The following MYO10 variants were observed in gnomAD, a reference collection of about 807,000 sequenced individuals.
MYO10 encodes the protein myosin X.
MYO10 carries 133 observed loss-of-function variants against 257.3 expected under a neutral mutation model. The observed-to-expected ratio is 0.52, with a 90% confidence interval of 0.45 to 0.60. The LOEUF is 0.60. Among genes scored for constraint, MYO10 ranks in the 20% least tolerant of loss-of-function variants. The pLI, the probability that MYO10 is intolerant of heterozygous loss-of-function variation, is 0.00. For missense variants in MYO10, 2,399 were observed against 2,635.7 expected (o/e 0.91, Z 1.97); for synonymous variants, 1,104 against 1,028.6 (o/e 1.07, Z -1.40).
In MYO10 at chr5:16,935,857, A is replaced by T; in HGVS notation, c.-49T>A. The T allele has an allele frequency of 6.2e-7, 1 of 1,608,138 alleles. No individual in the cohort carries two copies. Among genetic ancestry groups the T allele is most frequent in the Non-Finnish European group, 8.5e-7 (1 of 1,177,744 alleles). Reference sequence around the variant, plus strand: ...GCCGAGTGCCGCTCCGACTCGCGGAAGTCAGCGCCGCCGCGGGTCCGGGGA... The same window carrying T: ...GCCGAGTGCCGCTCCGACTCGCGGATGTCAGCGCCGCCGCGGGTCCGGGGA... On this transcript the variant is annotated 5_prime_UTR_variant, in exon 1 of 41. Coordinates refer to ENST00000513610, the MANE Select transcript of MYO10 (RefSeq NM_012334.3).
intron 32 of MYO10, among the ~76,000 whole-genome samples, chr5:16,680,352 A>G (rs373115): frequency 6.6e-6 from 1 of 152,170 alleles, no homozygotes; most frequent in Non-Finnish European, 1.5e-5. Context: ...CCCATCATTA[A>G]ATATATAAAG....
intron 33 of MYO10, among the ~76,000 whole-genome samples, chr5:16,677,018 C>A (rs112521263): frequency 1.1e-3 from 162 of 152,204 alleles, no homozygotes; most frequent in African/African-American, 3.8e-3. Flanking sequence ...TTAATATATT[C>A]TTGGGGAGAC....
rs770349476 is a variant in MYO10 at position 16,674,839 on chromosome 5, C to A, written c.4964+14G>T. Reference sequence around the variant, plus strand: ...AGCTCTGCCCAGCTCATCTCCCGTGCCCCCATGCTTTACCTTTTCAGATGG... The same window carrying A: ...AGCTCTGCCCAGCTCATCTCCCGTGACCCCATGCTTTACCTTTTCAGATGG... On this transcript the variant is annotated intron_variant, in intron 35 of 40. Transcript: ENST00000513610. 8.7e-6 allele frequency: 14 copies of A among 1,613,260 alleles called. No individual in the cohort carries two copies. Among genetic ancestry groups the A allele is most frequent in the Admixed American group, 1.7e-5 (1 of 59,980 alleles).
At chr5:16,889,622 G>T (rs1382707454) in intron 1 of MYO10, among the ~76,000 whole-genome samples, 1 of 151,786 alleles carries the variant, frequency 6.6e-6, no homozygotes, top group African/African-American at 2.4e-5. Context: ...GGAGCTAGGA[G>T]ACACAGATTT....
intron 1 of MYO10, among the ~76,000 whole-genome samples, chr5:16,903,564 A>C (rs993658922): frequency 6.6e-6 from 1 of 152,178 alleles, no homozygotes; most frequent in African/African-American, 2.4e-5. Flanking sequence ...GGCTTTCATA[A>C]GCCACTTTCC....
chr5:16,895,236 A>G lies in MYO10; in HGVS notation c.22-17529T>C, dbSNP rs548662703. Among the ~76,000 whole-genome samples the G allele has an allele frequency of 5.3e-5, 8 of 152,226 alleles. No individual in the cohort carries two copies. The East Asian group carries it at 1.3e-3, about 26-fold the overall frequency. On this transcript the variant is annotated intron_variant, in intron 1 of 40. Transcript: ENST00000513610. ...AGGCCTTCAGTCACTCAAAATTTGG[A>G]AATTCCCAAGATCTCCCTCAGGGGA...
chr5:16,856,595 A>C (rs1235927035), intron 2 of MYO10, among the ~76,000 whole-genome samples: 2 of 152,058 alleles, frequency 1.3e-5, no homozygotes, highest in Admixed American at 1.3e-4. Context: ...GAGTATTTTA[A>C]AGGTATCAAT....
intron 19 of MYO10, chr5:16,738,021 C>A (rs930375469): frequency 1.3e-6 from 1 of 799,642 alleles, no homozygotes; most frequent in Non-Finnish European, 1.5e-6. Context: ...TAGCACGGAA[C>A]TAGAAAATCT....
At chr5:16,768,958 G>A (rs1258702405) in intron 10 of MYO10, 116 bp downstream of exon 10, 1 of 1,306,210 alleles carries the variant, frequency 7.7e-7, no homozygotes, top group African/African-American at 1.5e-5. Flanking sequence ...TTACAGGCAA[G>A]AGCCACCGCA....
intron 21 of MYO10, among the ~76,000 whole-genome samples, chr5:16,705,720 T>A (rs1738298505): frequency 6.6e-6 from 1 of 152,134 alleles, no homozygotes; most frequent in Non-Finnish European, 1.5e-5. Context: ...CTCTGTGTCC[T>A]CCATGACATT....
At chr5:16,852,247 AAAAC>A (rs1427906015) in intron 2 of MYO10, among the ~76,000 whole-genome samples, 3 of 151,664 alleles carry the variant, frequency 2.0e-5, no homozygotes, top group African/African-American at 7.2e-5. Flanking sequence ...AAAAAAAAAA[AAAAC>A]AGGCACAAAG....
chr5:16,819,856 A>G (rs1398358550), intron 2 of MYO10, among the ~76,000 whole-genome samples: 1 of 152,252 alleles, frequency 6.6e-6, no homozygotes, highest in Non-Finnish European at 1.5e-5. Context: ...CTTCAGCAGT[A>G]GCATTTCTGC....
At chr5:16,731,193 C>T (rs562310926) in intron 19 of MYO10, among the ~76,000 whole-genome samples, 6 of 151,600 alleles carry the variant, frequency 4.0e-5, no homozygotes, top group African/African-American at 1.5e-4. Flanking sequence ...TACAGGTGCC[C>T]GCCACCATAC....
chr5:16,663,127 GA>G lies in MYO10; in HGVS notation c.*3564del, dbSNP rs901183051. 8 of 151,986 alleles carry G rather than the reference GA, an allele frequency of 5.3e-5. No homozygotes were observed. 9.4% of individuals were successfully genotyped at this position (151,986 alleles called of 1,614,324 possible). On this transcript the variant is annotated 3_prime_UTR_variant, in exon 41 of 41. Coordinates refer to ENST00000513610, the MANE Select transcript of MYO10 (RefSeq NM_012334.3). ...GATTAGAGCTAAAATACTATGCTGA[GA>G]AAAAAGTAAGCTACAACAGTTTGTT...
chr5:16,849,332 G>C (rs962149461), intron 2 of MYO10, among the ~76,000 whole-genome samples: 1 of 152,106 alleles, frequency 6.6e-6, no homozygotes, highest in African/African-American at 2.4e-5. Flanking sequence ...CTGGCTTCTA[G>C]GCATACTCTT....
At chr5:16,852,121 G>A (rs185526369) in intron 2 of MYO10, among the ~76,000 whole-genome samples, 28 of 149,702 alleles carry the variant, frequency 1.9e-4, no homozygotes, top group African/African-American at 6.4e-4. Flanking sequence ...AAGGAAGGAA[G>A]GGAGGGAAGG....
At chr5:16,932,675 G>A (rs1372168828) in intron 1 of MYO10, among the ~76,000 whole-genome samples, 1 of 152,138 alleles carries the variant, frequency 6.6e-6, no homozygotes, top group Non-Finnish European at 1.5e-5. Context: ...CTCTAATCCT[G>A]GAGAACATTT....
intron 3 of MYO10, among the ~76,000 whole-genome samples, chr5:16,817,111 C>A (rs1326122265): frequency 6.6e-6 from 1 of 152,186 alleles, no homozygotes; most frequent in Non-Finnish European, 1.5e-5. Context: ...AGCCACAGCA[C>A]CTGGCAAAGG....
intron 2 of MYO10, among the ~76,000 whole-genome samples, chr5:16,844,078 A>G (rs1024216584): frequency 3.3e-5 from 5 of 152,250 alleles, no homozygotes; most frequent in Non-Finnish European, 5.9e-5. Context: ...ACTAGCAACA[A>G]ATCACAATCC....
Sources: allele counts gnomAD v4.1 joint callset (sites outside exome capture counted in the v4.1 genomes callset), GRCh38; gene constraint gnomAD v4.1.1; transcripts MANE v1.5; gene names NCBI Gene and HGNC (gene_info 2026-07-23, HGNC 2026-07-21).